Variants in FAM20B observed in about 807,000 individuals in gnomAD.
FAM20B encodes the protein FAM20B glycosaminoglycan xylosylkinase, also known as glycosaminoglycan xylosylkinase.
FAM20B carries 23 observed loss-of-function variants against 43.8 expected under a neutral mutation model. The observed-to-expected ratio is 0.53, with a 90% CI of 0.38 to 0.74. The LOEUF (loss-of-function observed/expected upper bound fraction) is 0.74. Ranked by LOEUF, FAM20B falls within the 30% of genes least tolerant of loss-of-function variation. FAM20B has a pLI of 0.00. For missense variants in FAM20B, 440 were observed against 510.5 expected (o/e 0.86, Z 1.33); for synonymous variants, 178 against 192.4 (o/e 0.93, Z 0.62).
At chr1:179,054,108 C>CT (rs533407615) in intron 3 of FAM20B, among the ~76,000 whole-genome samples, 3,627 of 138,404 alleles carry the variant, frequency 0.026, 96 homozygotes, top group East Asian at 0.078. Flanking sequence ...GATCAGTCTG[C>CT]TTTTTTTTTT....
At chr1:179,018,503 C>G in the FAM20B span, among the ~76,000 whole-genome samples, 2 of 152,092 alleles carry the variant, frequency 1.3e-5, no homozygotes, top group African/African-American at 4.8e-5. Context: ...AGCGGGGTTT[C>G]ACTATGTTGG....
At chr1:179,018,409 C>T in the FAM20B span, among the ~76,000 whole-genome samples, 3 of 152,220 alleles carry the variant, frequency 2.0e-5, no homozygotes, top group African/African-American at 4.8e-5. Flanking sequence ...CAGGTTCAAG[C>T]GATTTTCATG....
chr1:179,032,441 A>G (rs1037284294), intron 1 of FAM20B, among the ~76,000 whole-genome samples: 35 of 150,796 alleles, frequency 2.3e-4, no homozygotes, highest in Admixed American at 6.6e-4. Context: ...CATTTTTAAC[A>G]ACCCTGTGAG....
At chr1:179,065,160 A>G (rs1327612454) in intron 6 of FAM20B, among the ~76,000 whole-genome samples, 1 of 147,094 alleles carries the variant, frequency 6.8e-6, no homozygotes, top group African/African-American at 2.5e-5. Context: ...TTTTTTTTTA[A>G]GTTTTTTTGA....
rs1306146449 is a variant in FAM20B at position 179,073,732 on chromosome 1, T to C, written c.*1588T>C. On this transcript the variant is annotated 3_prime_UTR_variant, in exon 8 of 8. Transcript: ENST00000263733. ...TATCATTCAGTCTTGTTTGGAGTTC[T>C]GAACCCATGATGTTGTATTATGCTT... 1 of 152,266 alleles carries C rather than the reference T, an allele frequency of 6.6e-6. No individual in the cohort carries two copies. Among genetic ancestry groups the C allele is most frequent in the East Asian group, 1.9e-4 (1 of 5,202 alleles). 9.4% of individuals were successfully genotyped at this position (152,266 alleles called of 1,614,324 possible).
intron 4 of FAM20B, among the ~76,000 whole-genome samples, chr1:179,063,544 C>T (rs1262296919): frequency 1.3e-5 from 2 of 151,760 alleles, no homozygotes; most frequent in African/African-American, 2.4e-5. Context: ...GCTGAGATCA[C>T]GCCACTGCAC....
chr1:179,059,192 A>C (rs764957735), intron 4 of FAM20B, among the ~76,000 whole-genome samples: 3 of 152,216 alleles, frequency 2.0e-5, no homozygotes, highest in Admixed American at 6.5e-5. Flanking sequence ...CCAGTTTTTA[A>C]AAGTTTGGCA....
chr1:179,055,321 A>T (rs557522674), intron 4 of FAM20B, among the ~76,000 whole-genome samples: 2 of 151,704 alleles, frequency 1.3e-5, no homozygotes, highest in African/African-American at 4.8e-5. Context: ...CTTCACCTTG[A>T]CTCTTTTTCA....
chr1:179,063,932 A>T lies in FAM20B; in HGVS notation c.580A>T (p.Asn194Tyr). The change falls in exon 5 of 8, where the codon AAT becomes TAT. Residue 194 changes from asparagine (N) to tyrosine (Y), a missense_variant. Transcript: ENST00000263733. ...LLSTFLTVGN[N>Y]TCFYGKCYYC... is the part of the protein sequence containing the mutation. ...GGCTCCTTTCTGTCCTTTAGGAAACAATACTTGTTTTTATGGGAAGTGCTA... is the reference window on the plus strand; with the variant it reads ...GGCTCCTTTCTGTCCTTTAGGAAACTATACTTGTTTTTATGGGAAGTGCTA... 1 of 1,604,914 alleles carries T rather than the reference A, an allele frequency of 6.2e-7. No homozygotes were observed. Among genetic ancestry groups the T allele is most frequent in the Non-Finnish European group, 8.5e-7 (1 of 1,175,014 alleles).
Position 179,050,279 on chromosome 1 carries a change from G to A in FAM20B, c.378G>A (p.Arg126=), listed in dbSNP as rs1650950346. 1 of 1,611,786 alleles carries A rather than the reference G, an allele frequency of 6.2e-7. No homozygotes were observed. The highest frequency in any genetic ancestry group is 8.5e-7 in the Non-Finnish European group (1 of 1,177,956). ...TCTGTGCTTCCCATTCACTTTGCAG[G>A]TATAGCCGAGACCATGTGGTGGAAG... is the stretch of plus-strand genomic sequence containing the variant. ...GGQKVVFKPK[R]YSRDHVVEGE... The change falls in exon 3 of 8, where the codon CGG becomes CGA. Residue 126 remains arginine, a splice_region_variant and synonymous_variant. Transcript: ENST00000263733.
rs754757784 is a variant in FAM20B, at chr1:179,044,023, C to T, written c.176C>T (p.Thr59Ile). 7 of 1,614,180 alleles carry T rather than the reference C, an allele frequency of 4.3e-6. No individual in the cohort carries two copies. The South Asian group carries it at 7.7e-5, about 18-fold the overall frequency. The change falls in exon 2 of 8, where the codon ACC (threonine) becomes ATC (isoleucine). Residue 59 changes from threonine (T) to isoleucine (I), a missense_variant. Coordinates refer to ENST00000263733, the MANE Select transcript of FAM20B (RefSeq NM_014864.4). ...GAGCTGGCACCCAAGCTGGACCATA[C>T]CTTGCAGTCTCCCTGGGAGATTGCA... ...RVELAPKLDH[T>I]LQSPWEIAAQ...
chr1:179,056,641 T>C lies in FAM20B; in HGVS notation c.574+2003T>C, dbSNP rs755976010. Among the ~76,000 whole-genome samples, 43 of 152,360 alleles carry C rather than the reference T, an allele frequency of 2.8e-4. 2 individuals are homozygous for C. The highest frequency in any genetic ancestry group is 8.5e-4 in the Admixed American group (13 of 15,306). ...TTGTATTGACATAAGTTTTCAGCTC[T>C]TTTGGGTAAATACCAAGGAGTGTGA... On this transcript the variant is annotated intron_variant, in intron 4 of 7. Transcript: ENST00000263733.
intron 1 of FAM20B, chr1:179,035,793 GAGT>G (rs1650200921): frequency 4.1e-6 from 1 of 244,680 alleles, no homozygotes; most frequent in Admixed American, 5.2e-5. Flanking sequence ...TTTATCAAAT[GAGT>G]AGGATGAGTG....
intron 3 of FAM20B, among the ~76,000 whole-genome samples, chr1:179,052,155 G>A (rs890130807): frequency 1.3e-5 from 2 of 152,066 alleles, no homozygotes; most frequent in African/African-American, 2.4e-5. Context: ...TGTAATCTGA[G>A]TATTAATAGC....
intron 3 of FAM20B, 53 bp from the exon 4 acceptor site, chr1:179,054,476 T>TA (rs1259858016): frequency 1.7e-5 from 20 of 1,172,764 alleles, no homozygotes; most frequent in Middle Eastern, 1.9e-4. Context: ...GACTGTTACT[T>TA]AAAAAACATC....
At chr1:179,061,234 G>A (rs7538498) in intron 4 of FAM20B, among the ~76,000 whole-genome samples, 118,261 of 151,880 alleles carry the variant, frequency 0.78, 47,046 homozygotes, top group African/African-American at 0.95. Context: ...GCACATCACT[G>A]CTCCCAGCTA....
At chr1:179,023,666 G>A (rs1649646067), upstream of FAM20B, among the ~76,000 whole-genome samples, 1 of 152,244 alleles carries the variant, frequency 6.6e-6, no homozygotes, top group Admixed American at 6.5e-5. Flanking sequence ...AGGATCTGCT[G>A]AAGATGGCGG....
rs956997579 is a variant in FAM20B, at chr1:179,074,873, C to T, written c.*2729C>T. On this transcript the variant is annotated 3_prime_UTR_variant, in exon 8 of 8. Coordinates refer to ENST00000263733, the MANE Select transcript of FAM20B (RefSeq NM_014864.4). The stretch of plus-strand genomic sequence containing the variant: ...TTACAGCTCTAAAATTCAGAAAGCC[C>T]TAAAATTTCAAACACTGTTTGAAAG... 6.6e-6 allele frequency: 1 copy of T among 152,260 alleles called. No homozygotes were observed. Among genetic ancestry groups the T allele is most frequent in the Admixed American group, 6.5e-5 (1 of 15,290 alleles). The allele number at this position is 152,260 out of a possible 1,614,324, so 9.4% of individuals were successfully genotyped here.
intron 4 of FAM20B, among the ~76,000 whole-genome samples, chr1:179,055,070 G>A (rs915382558): frequency 1.3e-5 from 2 of 152,170 alleles, no homozygotes; most frequent in Non-Finnish European, 2.9e-5. Flanking sequence ...AACTCTTTAG[G>A]AGGCTCAGAA....
Sources: allele counts gnomAD v4.1 joint callset (sites outside exome capture counted in the v4.1 genomes callset), GRCh38; gene constraint gnomAD v4.1.1; transcripts MANE v1.5; gene names NCBI Gene and HGNC (gene_info 2026-07-23, HGNC 2026-07-21).